Variants in YEATS2 observed in about 807,000 individuals in gnomAD.
The protein encoded by YEATS2 is YEATS domain containing 2.
In YEATS2, 77 loss-of-function variants were observed where a neutral mutation model predicts 163.2. The ratio of observed to expected loss-of-function variants is 0.47; its 90% CI spans 0.39 to 0.57. The LOEUF (loss-of-function observed/expected upper bound fraction) is 0.57, where lower values mean the gene tolerates loss of function less well. Ranked by LOEUF, YEATS2 falls within the 20% of genes least tolerant of loss-of-function variation. The probability of loss-of-function intolerance (pLI) is 0.00; values close to 1 mark genes in which losing one functional copy is unlikely to be tolerated. For synonymous variants in YEATS2, 631 were observed against 645.1 expected, an observed-to-expected ratio of 0.98 and a Z score of 0.33; for missense variants, 1,549 against 1,729.8, an observed-to-expected ratio of 0.90 and a Z score of 1.85.
Position 183,809,396 on chromosome 3 carries a change from T to C in YEATS2, c.4160+226T>C, listed in dbSNP as rs189140015. ...TGCTCAGAGGTTTATATCCTCCTCA[T>C]TACTTCACAGACACCTAGGACTCTG... On this transcript the variant is annotated intron_variant, in intron 30 of 30. Coordinates refer to ENST00000305135, the MANE Select transcript of YEATS2 (RefSeq NM_018023.5). The C allele has an allele frequency of 3.2e-4, 154 of 476,726 alleles. No individual in the cohort carries two copies. In the East Asian group the frequency reaches 4.6e-3, roughly 14 times the overall value. 29.5% of individuals were successfully genotyped at this position (476,726 alleles called of 1,614,324 possible). A position where few individuals can be genotyped will look rare whatever the true frequency, so the allele number is the denominator to read the frequency against.
intron 8 of YEATS2, among the ~76,000 whole-genome samples, chr3:183,742,472 G>T (rs1360099545): frequency 1.3e-5 from 2 of 152,160 alleles, no homozygotes; most frequent in Non-Finnish European, 2.9e-5. Flanking sequence ...ATTAGCTGCA[G>T]GTATGGTGGA....
intron 5 of YEATS2, among the ~76,000 whole-genome samples, chr3:183,723,866 C>G (rs868271191): frequency 6.6e-6 from 1 of 152,026 alleles, no homozygotes; most frequent in African/African-American, 2.4e-5. Flanking sequence ...GAGCCGAGAT[C>G]GTGCCATTGC....
intron 6 of YEATS2, among the ~76,000 whole-genome samples, chr3:183,724,833 G>A (rs571156376): frequency 2.0e-5 from 3 of 152,002 alleles, no homozygotes; most frequent in South Asian, 2.1e-4. Flanking sequence ...ACCTCCCCCC[G>A]CCCGGGTTCA....
intron 8 of YEATS2, among the ~76,000 whole-genome samples, chr3:183,739,360 C>A (rs1223899765): frequency 7.0e-6 from 1 of 142,700 alleles, no homozygotes. Context: ...TTCACAATTG[C>A]TTCAAAGAGA....
At chr3:183,773,389 G>A (rs766786759) in intron 16 of YEATS2, among the ~76,000 whole-genome samples, 1 of 152,164 alleles carries the variant, frequency 6.6e-6, no homozygotes, top group Non-Finnish European at 1.5e-5. Context: ...CAGGACGTAC[G>A]ATCATCCTAT....
At chr3:183,717,167 A>G (rs895192629) in intron 2 of YEATS2, among the ~76,000 whole-genome samples, 38 of 152,004 alleles carry the variant, frequency 2.5e-4, no homozygotes, top group Admixed American at 8.5e-4. Flanking sequence ...TGCTGGGATT[A>G]CGGGTGCGAG....
intron 8 of YEATS2, among the ~76,000 whole-genome samples, chr3:183,742,393 T>A (rs1719068271): frequency 6.6e-6 from 1 of 152,082 alleles, no homozygotes; most frequent in Non-Finnish European, 1.5e-5. Flanking sequence ...GTAGCAACAT[T>A]AACAGGAGTT....
intron 20 of YEATS2, among the ~76,000 whole-genome samples, chr3:183,790,483 GTCC>G (rs1310382561): frequency 6.6e-6 from 1 of 152,114 alleles, no homozygotes; most frequent in Non-Finnish European, 1.5e-5. Context: ...CTGAGAATAT[GTCC>G]TCCTAGTTTT....
Position 183,810,683 on chromosome 3 carries a change from G to A in YEATS2, c.*100G>A, listed in dbSNP as rs778095206. ...AAGGAGGTGGTTTCCAGTGTGACTCGGCATGTCATGGCTACCCAACCTTTG... is the reference window on the plus strand; with the variant it reads ...AAGGAGGTGGTTTCCAGTGTGACTCAGCATGTCATGGCTACCCAACCTTTG... On this transcript the variant is annotated 3_prime_UTR_variant, in exon 31 of 31. Coordinates refer to ENST00000305135, the MANE Select transcript of YEATS2 (RefSeq NM_018023.5). The A allele has an allele frequency of 7.6e-6, 8 of 1,049,902 alleles. No individual in the cohort carries two copies. Among genetic ancestry groups the A allele is most frequent in the East Asian group, 2.6e-5 (1 of 38,546 alleles). 65.0% of individuals were successfully genotyped at this position (1,049,902 alleles called of 1,614,324 possible).
At chr3:183,755,176 C>T (rs759107855) in intron 11 of YEATS2, among the ~76,000 whole-genome samples, 3 of 151,828 alleles carry the variant, frequency 2.0e-5, no homozygotes, top group South Asian at 2.1e-4. Context: ...AGTGCAATGG[C>T]GCGATCTCAG....
chr3:183,788,772 G>A (rs143087437), intron 20 of YEATS2, among the ~76,000 whole-genome samples: 2 of 152,264 alleles, frequency 1.3e-5, no homozygotes, highest in Non-Finnish European at 2.9e-5. Flanking sequence ...AGCAGTGTAC[G>A]AGGGTTCCCT....
chr3:183,701,054 T>C (rs865858847), intron 1 of YEATS2, among the ~76,000 whole-genome samples: 155 of 141,598 alleles, frequency 1.1e-3, no homozygotes, highest in African/African-American at 3.7e-3. Context: ...TATATATATG[T>C]GTGTGTGTGT....
intron 7 of YEATS2, among the ~76,000 whole-genome samples, chr3:183,730,912 C>G (rs1372735009): frequency 6.6e-6 from 1 of 152,060 alleles, no homozygotes; most frequent in Non-Finnish European, 1.5e-5. Flanking sequence ...GCAGTGATGG[C>G]TGGTGAAAAG....
chr3:183,809,041 C>T, intron 29 of YEATS2, 56 bp from the exon 30 acceptor site: 1 of 1,579,214 alleles, frequency 6.3e-7, no homozygotes, highest in Non-Finnish European at 8.7e-7. Context: ...TAAATGTGTC[C>T]CTTCTTGCCA....
At position 183,724,250 on chromosome 3, in the gene YEATS2, C is replaced by T. The variant is rs1577061394; in HGVS notation, c.538-169C>T. Among the ~76,000 whole-genome samples, 3 of 152,206 alleles carry T rather than the reference C, an allele frequency of 2.0e-5. No individual in the cohort carries two copies. In the South Asian group the frequency reaches 6.2e-4, roughly 32 times the overall value. ...ATAAACTTTGTATAAATTAAGGCAG[C>T]ATTTATAGTAACTTTTTTAATGCTT... On this transcript the variant is annotated intron_variant, in intron 5 of 30. Transcript: ENST00000305135.
chr3:183,806,810 A>G, intron 27 of YEATS2, 56 bp from the exon 28 acceptor site: 1 of 1,590,570 alleles, frequency 6.3e-7, no homozygotes, highest in African/African-American at 1.3e-5. Flanking sequence ...TTGGAGACGG[A>G]AAGTCCTCTT....
chr3:183,793,490 A>T, intron 21 of YEATS2: 1 of 555,224 alleles, frequency 1.8e-6, no homozygotes, highest in Non-Finnish European at 2.0e-6. Context: ...ATAATAATGA[A>T]TACCTTGTCT....
At chr3:183,730,070 T>TTC (rs1560244479) in intron 7 of YEATS2, among the ~76,000 whole-genome samples, 2 of 114,234 alleles carry the variant, frequency 1.8e-5, no homozygotes, top group East Asian at 4.9e-4. Context: ...TTTTTTTTTT[T>TTC]TTTTTTTTTT....
chr3:183,729,443 T>G (rs1294815047), intron 7 of YEATS2, among the ~76,000 whole-genome samples: 1 of 152,158 alleles, frequency 6.6e-6, no homozygotes, highest in Non-Finnish European at 1.5e-5. Context: ...AAATGTTACT[T>G]CTTTTTATGA....
Sources: gnomAD v4.1 joint callset for allele counts (sites outside exome capture counted in the v4.1 genomes callset) on GRCh38, gnomAD v4.1.1 for gene constraint, MANE v1.5 for transcripts, NCBI Gene and HGNC (gene_info 2026-07-23, HGNC 2026-07-21) for gene names.